SCCPDH: variants seen among roughly 807,000 people sequenced by gnomAD.
SCCPDH encodes the protein saccharopine dehydrogenase (putative), also known as saccharopine dehydrogenase-like oxidoreductase.
In SCCPDH, 34 loss-of-function variants were observed where a neutral mutation model predicts 51.5. The observed-to-expected ratio is 0.66, with a 90% CI of 0.50 to 0.88. The LOEUF (loss-of-function observed/expected upper bound fraction) is 0.88. Among genes scored for constraint, SCCPDH ranks in the 40% least tolerant of loss-of-function variants. SCCPDH has a pLI of 0.00. For synonymous variants in SCCPDH, 187 were observed against 191.3 expected (o/e 0.98, Z 0.19); for missense variants, 464 against 527.1 (o/e 0.88, Z 1.17).
At chr1:246,734,834 G>A (rs1023420893) in intron 2 of SCCPDH, among the ~76,000 whole-genome samples, 30 of 152,198 alleles carry the variant, frequency 2.0e-4, no homozygotes, top group Non-Finnish European at 2.5e-4. Context: ...AAATGGGACT[G>A]AATTCTGATG....
chr1:246,749,246 T>A (rs1428339976), intron 5 of SCCPDH, among the ~76,000 whole-genome samples: 1 of 152,240 alleles, frequency 6.6e-6, no homozygotes, highest in Non-Finnish European at 1.5e-5. Context: ...TAACCGTCGC[T>A]TTTGTTTAGC....
chr1:246,740,054 G>A, intron 3 of SCCPDH, 118 bp from the exon 4 acceptor site: 1 of 713,360 alleles, frequency 1.4e-6, no homozygotes, highest in Non-Finnish European at 2.2e-6. Context: ...TTTTGCTGCA[G>A]AGCCACACTG....
chr1:246,728,748 A>G (rs6426329), intron 2 of SCCPDH, among the ~76,000 whole-genome samples: 20,233 of 151,870 alleles, frequency 0.13, 1,717 homozygotes, highest in African/African-American at 0.22. Flanking sequence ...TCTTCCTACC[A>G]CCAGATCTAT....
chr1:246,727,116 C>T (rs909410220), intron 2 of SCCPDH, 112 bp downstream of exon 2: 2 of 839,342 alleles, frequency 2.4e-6, no homozygotes, highest in Non-Finnish European at 3.8e-6. Context: ...AGGCCTTAAC[C>T]CCATATGGGG....
In SCCPDH at chr1:246,731,388, G is replaced by C. The variant is rs77173923; in HGVS notation, c.303+4384G>C. ...GAAGGAGCTACGATTATTTTAATAA[G>C]CTCATTAATACTTCACTGCAGCCTG... is the stretch of plus-strand genomic sequence containing the variant. On this transcript the variant is annotated intron_variant, in intron 2 of 11. Coordinates refer to ENST00000366510, the MANE Select transcript of SCCPDH (RefSeq NM_016002.3). Among the ~76,000 whole-genome samples the C allele has an allele frequency of 4.5e-3, 684 of 152,348 alleles. 6 individuals are homozygous for C. Among genetic ancestry groups the C allele is most frequent in the African/African-American group, 0.015 (640 of 41,576 alleles).
intron 5 of SCCPDH, among the ~76,000 whole-genome samples, chr1:246,748,894 C>T (rs971881870): frequency 8.5e-5 from 13 of 152,222 alleles, no homozygotes; most frequent in African/African-American, 2.7e-4. Context: ...AATACCACCA[C>T]GCACCTGCTC....
chr1:246,761,817 A>G (rs981155774), intron 9 of SCCPDH, among the ~76,000 whole-genome samples: 10 of 152,228 alleles, frequency 6.6e-5, no homozygotes, highest in Admixed American at 2.6e-4. Context: ...TGTTGCCTCC[A>G]GCTTTTGGCT....
At chr1:246,761,547 A>G (rs913001411) in intron 9 of SCCPDH, among the ~76,000 whole-genome samples, 1 of 152,186 alleles carries the variant, frequency 6.6e-6, no homozygotes, top group African/African-American at 2.4e-5. Flanking sequence ...CCGTGAAACA[A>G]TAACTCCTCA....
At chr1:246,749,786 C>T (rs1367899675) in intron 5 of SCCPDH, among the ~76,000 whole-genome samples, 1 of 152,154 alleles carries the variant, frequency 6.6e-6, no homozygotes, top group Non-Finnish European at 1.5e-5. Flanking sequence ...ACTAACTTAT[C>T]TCAGTTAACA....
intron 2 of SCCPDH, among the ~76,000 whole-genome samples, chr1:246,731,947 AGT>A (rs1668498618): frequency 2.0e-5 from 3 of 148,026 alleles, no homozygotes; most frequent in African/African-American, 7.5e-5. Context: ...CCCACCTGTG[AGT>A]GAGATCATGC....
At chr1:246,759,772 C>T (rs1668983708) in intron 7 of SCCPDH, among the ~76,000 whole-genome samples, 185 bp from the exon 8 acceptor site, 2 of 152,110 alleles carry the variant, frequency 1.3e-5, no homozygotes, top group African/African-American at 4.8e-5. Context: ...TCTGACAAAA[C>T]AAACAAAAAA....
At chr1:246,736,429 C>T (rs370409253) in intron 3 of SCCPDH, among the ~76,000 whole-genome samples, 18 of 152,214 alleles carry the variant, frequency 1.2e-4, no homozygotes, top group African/African-American at 3.1e-4. Context: ...AGGCCGGGCA[C>T]GGTGGCTCAC....
chr1:246,758,196 GTTTC>G, intron 5 of SCCPDH, 26 bp from the exon 6 acceptor site: 1 of 1,524,368 alleles, frequency 6.6e-7, no homozygotes, highest in Non-Finnish European at 8.8e-7. Context: ...ACCCTTTCAT[GTTTC>G]TTTAACTCTT....
chr1:246,731,351 G>A (rs577911608), intron 2 of SCCPDH, among the ~76,000 whole-genome samples: 99 of 152,328 alleles, frequency 6.5e-4, no homozygotes, highest in African/African-American at 2.1e-3. Flanking sequence ...AGGAAAATGC[G>A]TTTTCTTTCC....
intron 4 of SCCPDH, 81 bp from the exon 5 acceptor site, chr1:246,743,995 T>G (rs1668719007): frequency 1.3e-6 from 1 of 784,274 alleles, no homozygotes; most frequent in South Asian, 1.6e-5. Context: ...CCTAAGTGAA[T>G]ACGCATTGTT....
At chr1:246,749,915 G>A (rs1668825928) in intron 5 of SCCPDH, among the ~76,000 whole-genome samples, 1 of 152,182 alleles carries the variant, frequency 6.6e-6, no homozygotes, top group South Asian at 2.1e-4. Flanking sequence ...GTAATGGTTT[G>A]GGGTGAACTT....
At chr1:246,763,976 C>G (rs1466470528) in intron 9 of SCCPDH, among the ~76,000 whole-genome samples, 1 of 151,938 alleles carries the variant, frequency 6.6e-6, no homozygotes. Flanking sequence ...ATATTCTGCC[C>G]CCCGATAAAA....
At chr1:246,748,348 T>G (rs1166162226) in intron 5 of SCCPDH, among the ~76,000 whole-genome samples, 2 of 152,190 alleles carry the variant, frequency 1.3e-5, no homozygotes, top group African/African-American at 4.8e-5. Flanking sequence ...GGCTCCAGAA[T>G]TTTAGCTAGT....
In SCCPDH at chr1:246,726,921, A is replaced by G. The variant is rs1455150925; in HGVS notation, c.220A>G (p.Ile74Val). 1.9e-6 allele frequency: 3 copies of G among 1,613,908 alleles called. No homozygotes were observed. Among genetic ancestry groups the G allele is most frequent in the Non-Finnish European group, 2.5e-6 (3 of 1,179,898 alleles). ...GRPTLSSEVG[I>V]IICDIANPAS... is the part of the protein sequence containing the mutation. ...ACCAACACTGTCATCTGAAGTTGGA[A>G]TCATCATCTGTGATATTGCTAATCC... The change falls in exon 2 of 12, where the codon ATC (isoleucine) becomes GTC (valine). Residue 74 changes from isoleucine to valine, a missense_variant. Physicochemically the swap from Ile to Val is conservative, Grantham distance 29. Transcript: ENST00000366510.
Sources: gnomAD v4.1 joint callset for allele counts (sites outside exome capture counted in the v4.1 genomes callset) on GRCh38, gnomAD v4.1.1 for gene constraint, MANE v1.5 for transcripts, NCBI Gene and HGNC (gene_info 2026-07-23, HGNC 2026-07-21) for gene names.